TMEM108: variants seen among roughly 807,000 people sequenced by gnomAD.
TMEM108 encodes transmembrane protein 108.
A neutral mutation model predicts 35.1 loss-of-function variants in TMEM108; 12 were observed. The observed-to-expected ratio is 0.34, with a 90% CI of 0.22 to 0.55. The LOEUF (loss-of-function observed/expected upper bound fraction) is 0.55, where lower values mean the gene tolerates loss of function less well. Among genes scored for constraint, TMEM108 ranks in the 20% least tolerant of loss-of-function variants. TMEM108 has a pLI of 0.89. For missense variants in TMEM108, 680 were observed against 753.3 expected, an observed-to-expected ratio of 0.90 and a Z score of 1.14; for synonymous variants, 287 against 308.6, an observed-to-expected ratio of 0.93 and a Z score of 0.73.
intron 2 of TMEM108, chr3:133,119,312 A>G (rs991169499): frequency 3.1e-4 from 47 of 152,138 alleles, no homozygotes; most frequent in African/African-American, 1.1e-3. Flanking sequence ...CACTGACTTC[A>G]TTCAGCAGTT....
At chr3:133,369,053 C>G (rs186093285) in intron 3 of TMEM108, among the ~76,000 whole-genome samples, 9 of 152,310 alleles carry the variant, frequency 5.9e-5, no homozygotes, top group African/African-American at 2.2e-4. Context: ...AAAAACGAAG[C>G]TTAACTAATT....
intron 2 of TMEM108, among the ~76,000 whole-genome samples, chr3:133,201,588 A>G (rs1045989735): frequency 6.6e-6 from 1 of 152,128 alleles, no homozygotes; most frequent in African/African-American, 2.4e-5. Flanking sequence ...GCTGAGAATG[A>G]TGGTTTACAG....
intron 3 of TMEM108, among the ~76,000 whole-genome samples, chr3:133,323,034 C>G (rs192591220): frequency 4.6e-5 from 7 of 152,210 alleles, no homozygotes; most frequent in African/African-American, 1.4e-4. Flanking sequence ...CCATCTATGA[C>G]AAACCCACAG....
intron 3 of TMEM108, among the ~76,000 whole-genome samples, chr3:133,336,080 A>G (rs907417238): frequency 2.6e-5 from 4 of 152,152 alleles, no homozygotes; most frequent in African/African-American, 9.7e-5. Flanking sequence ...AAGCTGCACC[A>G]CTGAGGGCTA....
intron 2 of TMEM108, among the ~76,000 whole-genome samples, chr3:133,139,343 A>T (rs1379459166): frequency 6.6e-6 from 1 of 152,200 alleles, no homozygotes; most frequent in East Asian, 1.9e-4. Flanking sequence ...TCTACAAAGA[A>T]CTTAAACAAA....
chr3:133,338,310 C>G (rs1481097719), intron 3 of TMEM108, among the ~76,000 whole-genome samples: 1 of 151,782 alleles, frequency 6.6e-6, no homozygotes, highest in African/African-American at 2.4e-5. Context: ...CTAAAAGCAG[C>G]AAGAGAAAAG....
At chr3:133,314,395 C>T (rs1335509673) in intron 3 of TMEM108, among the ~76,000 whole-genome samples, 1 of 152,124 alleles carries the variant, frequency 6.6e-6, no homozygotes, top group African/African-American at 2.4e-5. Context: ...CAGTTGCCTT[C>T]AAAAGCGCTT....
intron 2 of TMEM108, among the ~76,000 whole-genome samples, chr3:133,066,279 A>G (rs11711245): frequency 0.033 from 4,988 of 152,254 alleles, 118 homozygotes; most frequent in Non-Finnish European, 0.051. Context: ...CTGGTTGCAC[A>G]GTGATCTCTT....
intron 2 of TMEM108, among the ~76,000 whole-genome samples, chr3:133,154,837 T>A (rs1317515525): frequency 6.6e-6 from 1 of 152,138 alleles, no homozygotes; most frequent in African/African-American, 2.4e-5. Context: ...GTTGTGTACA[T>A]GTACTGTAAA....
intron 3 of TMEM108, among the ~76,000 whole-genome samples, chr3:133,288,181 G>A (rs2107693047): frequency 6.6e-6 from 1 of 152,260 alleles, no homozygotes; most frequent in Non-Finnish European, 1.5e-5. Context: ...AAATGTGTAT[G>A]CAGGACAGTT....
chr3:133,038,718 C>G (rs1173833451), intron 1 of TMEM108, among the ~76,000 whole-genome samples: 3 of 152,206 alleles, frequency 2.0e-5, no homozygotes, highest in Non-Finnish European at 2.9e-5. Flanking sequence ...TGGCATGAAC[C>G]CCCTCCCCAG....
intron 3 of TMEM108, among the ~76,000 whole-genome samples, chr3:133,355,943 T>C (rs11706381): frequency 0.044 from 6,684 of 151,980 alleles, 189 homozygotes; most frequent in Non-Finnish European, 0.064. Flanking sequence ...ATATGGGACC[T>C]AAAAAAGAAG....
intron 2 of TMEM108, among the ~76,000 whole-genome samples, chr3:133,166,634 C>T (rs1945042202): frequency 6.6e-6 from 1 of 151,970 alleles, no homozygotes; most frequent in Non-Finnish European, 1.5e-5. Context: ...GTTGTTCCTT[C>T]CTCCCGTCCA....
At chr3:133,129,879 C>CA (rs370912008) in intron 2 of TMEM108, among the ~76,000 whole-genome samples, 12 of 128,430 alleles carry the variant, frequency 9.3e-5, no homozygotes, top group East Asian at 2.3e-4. Flanking sequence ...GTATTATTTG[C>CA]AAAAAAAGTC....
intron 3 of TMEM108, among the ~76,000 whole-genome samples, chr3:133,353,153 G>T (rs1469135042): frequency 6.6e-6 from 1 of 152,208 alleles, no homozygotes; most frequent in Non-Finnish European, 1.5e-5. Flanking sequence ...AAGCCAGCGT[G>T]ATTTTTGAAC....
At chr3:133,181,002 T>G (rs1945329554) in intron 2 of TMEM108, among the ~76,000 whole-genome samples, 1 of 46,984 alleles carries the variant, frequency 2.1e-5, no homozygotes, top group Non-Finnish European at 4.7e-5. Flanking sequence ...TATTGGGCAG[T>G]TGTGTTAAAA....
At chr3:133,072,704 A>T (rs79719696) in intron 2 of TMEM108, among the ~76,000 whole-genome samples, 4,197 of 152,252 alleles carry the variant, frequency 0.028, 104 homozygotes, top group South Asian at 0.061. Flanking sequence ...AAAATGTACA[A>T]TTCAGTGATT....
At chr3:133,313,704 T>G (rs779966721) in intron 3 of TMEM108, among the ~76,000 whole-genome samples, 44 of 152,132 alleles carry the variant, frequency 2.9e-4, no homozygotes, top group Non-Finnish European at 4.7e-4. Context: ...CCAATCAAGA[T>G]GTTGTTCAGT....
At chr3:133,156,096 T>C (rs1403868180) in intron 2 of TMEM108, among the ~76,000 whole-genome samples, 1 of 75,998 alleles carries the variant, frequency 1.3e-5, no homozygotes, top group African/African-American at 4.7e-5. Context: ...TTATTCTTTT[T>C]GGTAGGGATA....
Sources: gnomAD v4.1 joint callset for allele counts (sites outside exome capture counted in the v4.1 genomes callset) on GRCh38, gnomAD v4.1.1 for gene constraint, MANE v1.5 for transcripts, NCBI Gene and HGNC (gene_info 2026-07-23, HGNC 2026-07-21) for gene names.